Variants in ANO3 observed in about 807,000 individuals in gnomAD.
ANO3 encodes the protein anoctamin-3.
In ANO3, 99 loss-of-function variants were observed where a neutral mutation model predicts 144.8. The ratio of observed to expected loss-of-function variants is 0.68; its 90% CI spans 0.58 to 0.81. The LOEUF (loss-of-function observed/expected upper bound fraction) is 0.81. Ranked by LOEUF, ANO3 falls within the 30% of genes least tolerant of loss-of-function variation. The pLI, the probability that ANO3 is intolerant of heterozygous loss-of-function variation, is 0.00. For missense variants in ANO3, 905 were observed against 1,202.2 expected (o/e 0.75, Z 3.66); for synonymous variants, 414 against 392.6 (o/e 1.05, Z -0.64).
intron 4 of ANO3, among the ~76,000 whole-genome samples, chr11:26,475,288 C>T (rs1336978720): frequency 6.6e-6 from 1 of 151,850 alleles, no homozygotes; most frequent in African/African-American, 2.4e-5. Flanking sequence ...TATTCAGCAT[C>T]ACACTTTATC....
intron 1 of ANO3, among the ~76,000 whole-genome samples, chr11:26,246,996 A>T (rs1234828432): frequency 6.6e-6 from 1 of 152,204 alleles, no homozygotes; most frequent in African/African-American, 2.4e-5. Context: ...AAACAATAAT[A>T]TATAAAATAT....
intron 1 of ANO3, among the ~76,000 whole-genome samples, chr11:26,199,229 T>C (rs1019577520): frequency 2.0e-5 from 3 of 152,170 alleles, no homozygotes; most frequent in African/African-American, 7.2e-5. Flanking sequence ...TCAAGGTTCC[T>C]GACTCCATAT....
chr11:26,265,527 A>G (rs1853289682), intron 1 of ANO3, among the ~76,000 whole-genome samples: 1 of 152,194 alleles, frequency 6.6e-6, no homozygotes, highest in African/African-American at 2.4e-5. Context: ...AATAATAAAA[A>G]CAATAAGACA....
intron 4 of ANO3, among the ~76,000 whole-genome samples, chr11:26,491,597 C>G (rs548834426): frequency 6.6e-6 from 1 of 152,122 alleles, no homozygotes; most frequent in Non-Finnish European, 1.5e-5. Context: ...GGAGGCCACA[C>G]GAGGTGTCAG....
At chr11:26,536,327 A>G (rs1849509288) in intron 9 of ANO3, among the ~76,000 whole-genome samples, 1 of 151,918 alleles carries the variant, frequency 6.6e-6, no homozygotes, top group African/African-American at 2.4e-5. Flanking sequence ...TCAAAAAAAA[A>G]AAAAAAGAAA....
intron 20 of ANO3, 51 bp downstream of exon 20, chr11:26,635,121 G>GT: frequency 6.7e-7 from 1 of 1,503,508 alleles, no homozygotes; most frequent in Non-Finnish European, 9.2e-7. Context: ...ATATGGGCCA[G>GT]TTACTGCGGG....
At chr11:26,227,611 C>T (rs1263596274) in intron 1 of ANO3, among the ~76,000 whole-genome samples, 3 of 152,182 alleles carry the variant, frequency 2.0e-5, no homozygotes, top group Non-Finnish European at 4.4e-5. Flanking sequence ...ATAAGAAGCT[C>T]TCAACTTTCA....
intron 4 of ANO3, among the ~76,000 whole-genome samples, chr11:26,493,304 A>G (rs1361462091): frequency 6.6e-6 from 1 of 152,122 alleles, no homozygotes; most frequent in East Asian, 1.9e-4. Context: ...ATTTCGTGAG[A>G]TGTGATGTGT....
At chr11:26,602,382 A>G (rs1199789594) in intron 17 of ANO3, among the ~76,000 whole-genome samples, 1 of 152,098 alleles carries the variant, frequency 6.6e-6, no homozygotes, top group Non-Finnish European at 1.5e-5. Flanking sequence ...ATAGGTAAAT[A>G]GCCACAAATC....
chr11:26,610,235 A>T (rs1047789409), intron 17 of ANO3, among the ~76,000 whole-genome samples: 20 of 151,070 alleles, frequency 1.3e-4, no homozygotes, highest in Admixed American at 1.2e-3. Context: ...GATTCTAGCC[A>T]TTCTAACTGG....
intron 24 of ANO3, among the ~76,000 whole-genome samples, chr11:26,650,428 A>C (rs1250785042): frequency 6.6e-6 from 1 of 150,452 alleles, no homozygotes; most frequent in Non-Finnish European, 1.5e-5. Context: ...TGGTCTGCAG[A>C]TCTCCTTCAG....
At chr11:26,228,316 T>TGTATGTA (rs1322833505) in intron 1 of ANO3, among the ~76,000 whole-genome samples, 2 of 152,210 alleles carry the variant, frequency 1.3e-5, no homozygotes, top group Non-Finnish European at 2.9e-5. Context: ...TCACAATTTA[T>TGTATGTA]CCCCAGTGAA....
At chr11:26,210,528 T>C (rs1851910040) in intron 1 of ANO3, among the ~76,000 whole-genome samples, 2 of 152,324 alleles carry the variant, frequency 1.3e-5, no homozygotes, top group East Asian at 1.9e-4. Flanking sequence ...AGAAAGTGAA[T>C]GGCAGCTTCA....
chr11:26,396,917 A>G (rs901674141), intron 1 of ANO3, among the ~76,000 whole-genome samples: 3 of 151,926 alleles, frequency 2.0e-5, no homozygotes, highest in Admixed American at 6.6e-5. Context: ...CGTTCTGCAC[A>G]TGTATCCCAG....
At chr11:26,564,242 T>C (rs1056485867) in intron 14 of ANO3, among the ~76,000 whole-genome samples, 1 of 151,672 alleles carries the variant, frequency 6.6e-6, no homozygotes. Context: ...AAAATCATAG[T>C]TAAATGTACA....
At chr11:26,288,558 C>G (rs190533770) in intron 1 of ANO3, among the ~76,000 whole-genome samples, 6 of 152,284 alleles carry the variant, frequency 3.9e-5, no homozygotes, top group Admixed American at 1.3e-4. Flanking sequence ...ATAATGAACA[C>G]AAACTGGGGT....
chr11:26,508,455 C>T lies in ANO3; in HGVS notation c.591+193C>T, dbSNP rs1444854459. 3 of 448,578 alleles carry T rather than the reference C, an allele frequency of 6.7e-6. No homozygotes were observed. The Admixed American group carries it at 1.3e-4, about 20-fold the overall frequency. The allele number at this position is 448,578 out of a possible 1,614,324, so 27.8% of individuals were successfully genotyped here. On this transcript the variant is annotated intron_variant, in intron 5 of 26. Coordinates refer to ENST00000256737, the MANE Select transcript of ANO3 (RefSeq NM_031418.4). ...ACTTTTTAATCTATATAATTCTGTACAATTTAAGTATTTTCAAAGGGCATG... is the reference window on the plus strand; with the variant it reads ...ACTTTTTAATCTATATAATTCTGTATAATTTAAGTATTTTCAAAGGGCATG...
At chr11:26,259,704 T>C (rs1263714566) in intron 1 of ANO3, among the ~76,000 whole-genome samples, 1 of 151,988 alleles carries the variant, frequency 6.6e-6, no homozygotes, top group Non-Finnish European at 1.5e-5. Context: ...ATTTAATCAC[T>C]AGTAGAAGGA....
chr11:26,262,719 A>AACACACACACACACACACACACACACAC (rs144643690), intron 1 of ANO3, among the ~76,000 whole-genome samples: 1 of 149,106 alleles, frequency 6.7e-6, no homozygotes, highest in Admixed American at 6.7e-5. Flanking sequence ...CCTTATAGTA[A>AACACACACACACACACACACACACACAC]ACACACACAC....
Sources: allele counts gnomAD v4.1 joint callset (sites outside exome capture counted in the v4.1 genomes callset), GRCh38; gene constraint gnomAD v4.1.1; transcripts MANE v1.5; gene names NCBI Gene and HGNC (gene_info 2026-07-23, HGNC 2026-07-21).